TASP1: variants seen among roughly 807,000 people sequenced by gnomAD.
TASP1 encodes taspase 1, also known as threonine aspartase 1.
Under a neutral mutation model 56.6 loss-of-function variants are expected in TASP1, and 16 were observed. That is an observed-to-expected ratio of 0.28 (90% CI 0.19 to 0.43). The LOEUF (loss-of-function observed/expected upper bound fraction) is 0.43. TASP1 is among the 20% of genes least tolerant of loss of function. The pLI is 1.00. For synonymous variants in TASP1, 179 were observed against 184.2 expected (o/e 0.97, Z 0.23); for missense variants, 393 against 511.6 (o/e 0.77, Z 2.24).
intron 11 of TASP1, among the ~76,000 whole-genome samples, chr20:13,472,572 T>C (rs535754452): frequency 6.6e-6 from 1 of 151,010 alleles, no homozygotes; most frequent in Non-Finnish European, 1.5e-5. Flanking sequence ...AGAAAATTTT[T>C]GCAATCTATC....
the TASP1 span, among the ~76,000 whole-genome samples, chr20:13,311,874 C>T: frequency 4.4e-3 from 673 of 152,232 alleles, 3 homozygotes; most frequent in African/African-American, 0.015. Context: ...TATTGTACAG[C>T]ATGATGACTG....
the TASP1 span, chr20:13,126,605 T>C: frequency 6.2e-7 from 1 of 1,613,868 alleles, no homozygotes; most frequent in Non-Finnish European, 8.5e-7. Context: ...TCGTGGATTA[T>C]TTACGGGTTC....
chr20:13,194,275 T>C, the TASP1 span, among the ~76,000 whole-genome samples: 3 of 152,174 alleles, frequency 2.0e-5, no homozygotes, highest in Non-Finnish European at 2.9e-5. Context: ...TAGGACAATA[T>C]GGCTCAAGGG....
chr20:13,451,371 A>T (rs900135242), intron 11 of TASP1, among the ~76,000 whole-genome samples: 1 of 152,168 alleles, frequency 6.6e-6, no homozygotes, highest in East Asian at 1.9e-4. Flanking sequence ...TGAAAGTCCT[A>T]GATGGCATCA....
intron 6 of TASP1, among the ~76,000 whole-genome samples, chr20:13,577,467 C>T (rs2046964695): frequency 6.6e-6 from 1 of 152,064 alleles, no homozygotes; most frequent in South Asian, 2.1e-4. Context: ...TGTGTCCACC[C>T]AAAAATTCAT....
chr20:13,508,052 A>G (rs2044194286), intron 10 of TASP1, among the ~76,000 whole-genome samples: 1 of 152,162 alleles, frequency 6.6e-6, no homozygotes, highest in African/African-American at 2.4e-5. Context: ...GGATCCTTAT[A>G]CCATACACAA....
chr20:13,227,947 A>AGCT, the TASP1 span, among the ~76,000 whole-genome samples: 29 of 146,622 alleles, frequency 2.0e-4, no homozygotes, highest in East Asian at 5.8e-3. Context: ...TTCTTTATCT[A>AGCT]GCTGCTGCTG....
At chr20:13,584,965 A>G (rs2047250512) in intron 5 of TASP1, among the ~76,000 whole-genome samples, 1 of 152,232 alleles carries the variant, frequency 6.6e-6, no homozygotes, top group Non-Finnish European at 1.5e-5. Context: ...AACAATTAAA[A>G]AGTAATTATT....
intron 11 of TASP1, among the ~76,000 whole-genome samples, chr20:13,444,533 CT>C (rs1268963132): frequency 6.6e-6 from 1 of 152,092 alleles, no homozygotes; most frequent in African/African-American, 2.4e-5. Context: ...CATACATTAA[CT>C]CCAGAACAAA....
intron 10 of TASP1, among the ~76,000 whole-genome samples, chr20:13,489,226 C>A (rs911782836): frequency 2.6e-5 from 4 of 152,262 alleles, no homozygotes; most frequent in East Asian, 1.9e-4. Flanking sequence ...CGAGGCCACC[C>A]TGCTGTTCCA....
chr20:13,618,330 T>C (rs1289467161), intron 4 of TASP1, among the ~76,000 whole-genome samples: 3 of 152,032 alleles, frequency 2.0e-5, no homozygotes, highest in African/African-American at 7.2e-5. Flanking sequence ...TGAGAATCAT[T>C]TGAACCCGGG....
the TASP1 span, among the ~76,000 whole-genome samples, chr20:13,122,138 C>A: frequency 2.0e-5 from 3 of 152,206 alleles, no homozygotes; most frequent in African/African-American, 7.2e-5. Context: ...TAAAACCCGT[C>A]TGTTTTCCAT....
chr20:13,218,883 A>T, the TASP1 span, among the ~76,000 whole-genome samples: 1 of 152,232 alleles, frequency 6.6e-6, no homozygotes, highest in South Asian at 2.1e-4. Context: ...TCATTCATAC[A>T]TTTGTTCAAC....
chr20:13,624,861 A>T (rs761951305), intron 3 of TASP1, among the ~76,000 whole-genome samples: 16 of 151,908 alleles, frequency 1.1e-4, no homozygotes, highest in Admixed American at 3.9e-4. Flanking sequence ...ATGGAAAAAC[A>T]CATTGACTGC....
intron 11 of TASP1, among the ~76,000 whole-genome samples, chr20:13,440,345 A>G (rs1394207503): frequency 6.6e-6 from 1 of 152,206 alleles, no homozygotes; most frequent in Admixed American, 6.5e-5. Context: ...ATCTGGATAC[A>G]GAGGATCCAA....
intron 7 of TASP1, among the ~76,000 whole-genome samples, chr20:13,567,934 A>G (rs1254869423): frequency 6.6e-6 from 1 of 152,192 alleles, no homozygotes; most frequent in Non-Finnish European, 1.5e-5. Context: ...CCTGTCTCCA[A>G]GGGAAAAAAA....
At chr20:13,524,208 T>C (rs1363294287) in intron 10 of TASP1, among the ~76,000 whole-genome samples, 1 of 151,900 alleles carries the variant, frequency 6.6e-6, no homozygotes, top group Admixed American at 6.6e-5. Flanking sequence ...GGAAAAGCAA[T>C]GTTAAGGTAA....
At chr20:13,177,965 C>T in the TASP1 span, among the ~76,000 whole-genome samples, 1 of 152,080 alleles carries the variant, frequency 6.6e-6, no homozygotes, top group Admixed American at 6.6e-5. Context: ...AGTGAGAGGA[C>T]AACCTATAGA....
intron 9 of TASP1, 77 bp from the exon 10 acceptor site, chr20:13,528,588 C>T (rs2045085372): frequency 1.6e-6 from 2 of 1,271,948 alleles, no homozygotes; most frequent in African/African-American, 1.5e-5. Flanking sequence ...AAATCATACC[C>T]TCTAATAAAG....
Sources: allele counts gnomAD v4.1 joint callset (sites outside exome capture counted in the v4.1 genomes callset), GRCh38; gene constraint gnomAD v4.1.1; transcripts MANE v1.5; gene names NCBI Gene and HGNC (gene_info 2026-07-23, HGNC 2026-07-21).